The following ABI3BP variants were observed in gnomAD, a reference collection of about 807,000 sequenced individuals.
ABI3BP encodes the protein target of Nesh-SH3.
In ABI3BP, 216 loss-of-function variants were observed where a neutral mutation model predicts 268.6. The ratio of observed to expected loss-of-function variants is 0.80; its 90% CI spans 0.72 to 0.90. The LOEUF (loss-of-function observed/expected upper bound fraction) is 0.90. Among genes scored for constraint, ABI3BP ranks in the 40% least tolerant of loss-of-function variants. ABI3BP has a pLI of 0.00. For missense variants in ABI3BP, 2,090 were observed against 2,182.4 expected, an observed-to-expected ratio of 0.96 and a Z score of 0.84; for synonymous variants, 730 against 730.0, an observed-to-expected ratio of 1.00 and a Z score of 0.00.
chr3:100,955,551 T>C (rs1004430109), intron 1 of ABI3BP, among the ~76,000 whole-genome samples: 2 of 152,224 alleles, frequency 1.3e-5, no homozygotes, highest in African/African-American at 4.8e-5. Flanking sequence ...GTATCCTCCA[T>C]TGTTTGGATA....
rs2096248463 is a variant in ABI3BP, at chr3:100,765,840, C to G, written c.4850+1G>C. The G allele has an allele frequency of 6.3e-7, 1 of 1,599,850 alleles. No homozygotes were observed. On this transcript the variant is annotated splice_donor_variant, in intron 63 of 67. Transcript: ENST00000471714. LOFTEE classifies it high-confidence loss of function. ...TACCTGGAATAGCACTGGTGGCTTACCTCGTGTTTGGTTTCAGATTTTCTA... is the reference window on the plus strand; with the variant it reads ...TACCTGGAATAGCACTGGTGGCTTAGCTCGTGTTTGGTTTCAGATTTTCTA...
chr3:100,815,656 T>C (rs1009402076), intron 44 of ABI3BP, among the ~76,000 whole-genome samples: 6 of 152,140 alleles, frequency 3.9e-5, no homozygotes, highest in Non-Finnish European at 7.4e-5. Context: ...AATTTGGACC[T>C]CAGATTTAAC....
chr3:100,967,463 C>T (rs568713786), intron 1 of ABI3BP, among the ~76,000 whole-genome samples: 2 of 150,104 alleles, frequency 1.3e-5, no homozygotes, highest in Admixed American at 1.3e-4. Flanking sequence ...GAGGTAGCGC[C>T]GCTGCACTCT....
At chr3:100,874,984 CATAAA>C in intron 8 of ABI3BP, 51 bp from the exon 9 acceptor site, 1 of 1,088,458 alleles carries the variant, frequency 9.2e-7, no homozygotes, top group Non-Finnish European at 1.4e-6. Flanking sequence ...TGCATCATGA[CATAAA>C]ATGAAGCTCA....
At chr3:100,955,435 A>G (rs1452085462) in intron 1 of ABI3BP, among the ~76,000 whole-genome samples, 1 of 152,200 alleles carries the variant, frequency 6.6e-6, no homozygotes, top group African/African-American at 2.4e-5. Flanking sequence ...ATATTGGATG[A>G]TTTCCATGCA....
At chr3:100,888,936 C>T (rs1015510655) in intron 4 of ABI3BP, among the ~76,000 whole-genome samples, 10 of 151,862 alleles carry the variant, frequency 6.6e-5, no homozygotes, top group Non-Finnish European at 1.3e-4. Flanking sequence ...TTCTTTATAA[C>T]CCAGTACACA....
At chr3:100,864,267 G>A (rs1560985931) in intron 11 of ABI3BP, 191 bp from the exon 12 acceptor site, 2 of 581,906 alleles carry the variant, frequency 3.4e-6, no homozygotes, top group Non-Finnish European at 6.1e-6. Flanking sequence ...TCAAAGGGCA[G>A]TGGTGTGGCT....
chr3:100,983,246 G>A (rs1428783605), intron 1 of ABI3BP, among the ~76,000 whole-genome samples: 8 of 152,134 alleles, frequency 5.3e-5, no homozygotes, highest in Non-Finnish European at 1.2e-4. Context: ...CATTACATTA[G>A]AGAAACAGTG....
chr3:100,752,744 CCA>C (rs1402024558), intron 66 of ABI3BP, 41 bp downstream of exon 66: 1 of 1,594,806 alleles, frequency 6.3e-7, no homozygotes, highest in Non-Finnish European at 8.5e-7. Context: ...CAAAACATTC[CCA>C]TAAGTTAAGG....
chr3:100,828,112 C>T (rs961866067), intron 34 of ABI3BP, among the ~76,000 whole-genome samples: 2 of 152,012 alleles, frequency 1.3e-5, no homozygotes, highest in South Asian at 2.1e-4. Context: ...GCCTGGTTAG[C>T]GTAGATCAGG....
At chr3:100,808,350 T>G (rs2097768480) in intron 49 of ABI3BP, 115 bp from the exon 50 acceptor site, 1 of 671,904 alleles carries the variant, frequency 1.5e-6, no homozygotes, top group South Asian at 2.7e-5. Flanking sequence ...TACTCAACAA[T>G]GAAGGCTTCT....
At chr3:100,812,256 T>A (rs939492009) in intron 46 of ABI3BP, among the ~76,000 whole-genome samples, 2 of 152,086 alleles carry the variant, frequency 1.3e-5, no homozygotes, top group Non-Finnish European at 2.9e-5. Flanking sequence ...CGAGTGAGAA[T>A]AAGGAAATTA....
chr3:100,756,861 G>C, intron 63 of ABI3BP, among the ~76,000 whole-genome samples: 1 of 151,168 alleles, frequency 6.6e-6, no homozygotes, highest in Non-Finnish European at 1.5e-5. Context: ...ATTAACATGG[G>C]AACTGAAAGG....
At chr3:100,762,467 G>A (rs918656380) in intron 63 of ABI3BP, among the ~76,000 whole-genome samples, 1 of 152,200 alleles carries the variant, frequency 6.6e-6, no homozygotes, top group African/African-American at 2.4e-5. Flanking sequence ...CTAGTCTCAA[G>A]TATTCTATGA....
At position 100,896,211 on chromosome 3, in the gene ABI3BP, G is replaced by A. The variant is rs193230766; in HGVS notation, c.461+2551C>T. On this transcript the variant is annotated intron_variant, in intron 4 of 67. Coordinates refer to ENST00000471714, the MANE Select transcript of ABI3BP (RefSeq NM_001375547.2). ...ATCTATTTGATAAGAGTAGAGCCAG[G>A]GTGCGTGTGCAAGGGGGTGAGGGTG... 2.8e-4 allele frequency among the ~76,000 whole-genome samples: 42 copies of A among 152,254 alleles called. 1 individual carries two copies. In the East Asian group the frequency reaches 7.9e-3, roughly 29 times the overall value.
intron 4 of ABI3BP, among the ~76,000 whole-genome samples, chr3:100,890,366 A>T (rs9866199): frequency 6.6e-6 from 1 of 151,914 alleles, no homozygotes; most frequent in Non-Finnish European, 1.5e-5. Context: ...CTTCCTCTAA[A>T]GGGTCTCTCT....
At chr3:100,839,495 T>C (rs1275133775) in intron 24 of ABI3BP, 74 bp downstream of exon 24, 2 of 1,439,364 alleles carry the variant, frequency 1.4e-6, no homozygotes, top group Middle Eastern at 1.8e-4. Flanking sequence ...ACTGCAGTCA[T>C]GCCTGTAATG....
chr3:100,987,884 T>A (rs1357504961), intron 1 of ABI3BP, among the ~76,000 whole-genome samples: 1 of 152,234 alleles, frequency 6.6e-6, no homozygotes, highest in Non-Finnish European at 1.5e-5. Flanking sequence ...CTACTGATAA[T>A]CTTTAATAAT....
At chr3:100,970,794 C>T (rs2083277091) in intron 1 of ABI3BP, among the ~76,000 whole-genome samples, 2 of 152,150 alleles carry the variant, frequency 1.3e-5, no homozygotes, top group African/African-American at 2.4e-5. Flanking sequence ...CAAGTGAGGG[C>T]TTCTGGAAAT....
Sources: allele counts gnomAD v4.1 joint callset (sites outside exome capture counted in the v4.1 genomes callset), GRCh38; gene constraint gnomAD v4.1.1; transcripts MANE v1.5; gene names NCBI Gene and HGNC (gene_info 2026-07-23, HGNC 2026-07-21).